NR6A1: variants seen among roughly 807,000 people sequenced by gnomAD.
NR6A1 encodes nuclear receptor subfamily 6 group A member 1.
NR6A1 carries 7 observed loss-of-function variants against 59.1 expected under a neutral mutation model. The ratio of observed to expected loss-of-function variants is 0.12; its 90% CI spans 0.07 to 0.22. The LOEUF (loss-of-function observed/expected upper bound fraction) is 0.22, where lower values mean the gene tolerates loss of function less well. NR6A1 is among the 10% of genes least tolerant of loss of function. The pLI is 1.00. For missense variants in NR6A1, 468 were observed against 611.6 expected (o/e 0.77, Z 2.48); for synonymous variants, 243 against 236.1 (o/e 1.03, Z -0.27).
intron 2 of NR6A1, among the ~76,000 whole-genome samples, chr9:124,580,988 C>T (rs967374935): frequency 2.0e-5 from 3 of 152,020 alleles, no homozygotes; most frequent in Middle Eastern, 3.2e-3. Context: ...AGACTGCATG[C>T]CTACAGCCAT....
intron 2 of NR6A1, among the ~76,000 whole-genome samples, chr9:124,694,401 G>A (rs964847597): frequency 2.6e-5 from 4 of 151,926 alleles, no homozygotes; most frequent in South Asian, 2.1e-4. Flanking sequence ...TTATGTACTC[G>A]TCATTCTTTT....
At chr9:124,565,561 G>A (rs1456248668) in intron 2 of NR6A1, among the ~76,000 whole-genome samples, 1 of 152,148 alleles carries the variant, frequency 6.6e-6, no homozygotes, top group African/African-American at 2.4e-5. Flanking sequence ...CACAGCATGG[G>A]AGAAGACACA....
At chr9:124,665,978 T>C (rs1837601420) in intron 2 of NR6A1, among the ~76,000 whole-genome samples, 1 of 152,236 alleles carries the variant, frequency 6.6e-6, no homozygotes, top group South Asian at 2.1e-4. Flanking sequence ...AATGAAGCAA[T>C]ATTATCTCCA....
intron 2 of NR6A1, among the ~76,000 whole-genome samples, chr9:124,662,896 A>T (rs1051662717): frequency 6.6e-6 from 1 of 152,222 alleles, no homozygotes; most frequent in East Asian, 1.9e-4. Context: ...GCAAATTTTT[A>T]TCTGAGTACA....
intron 7 of NR6A1, among the ~76,000 whole-genome samples, chr9:124,531,712 T>TC (rs1833104278): frequency 2.0e-5 from 3 of 152,184 alleles, no homozygotes; most frequent in Non-Finnish European, 4.4e-5. Flanking sequence ...ATCCTGATCT[T>TC]CCCTGCTCCT....
At chr9:124,720,577 G>A (rs1588827289) in intron 2 of NR6A1, among the ~76,000 whole-genome samples, 2 of 151,932 alleles carry the variant, frequency 1.3e-5, no homozygotes, top group South Asian at 4.2e-4. Flanking sequence ...AATGACTGTC[G>A]GCTCTCTTCA....
Position 124,737,088 on chromosome 9 carries a change from T to A in NR6A1, c.101-3739A>T, listed in dbSNP as rs1035805561. Among the ~76,000 whole-genome samples, 17 of 152,260 alleles carry A rather than the reference T, an allele frequency of 1.1e-4. 1 individual carries two copies. Among genetic ancestry groups the A allele is most frequent in the African/African-American group, 3.9e-4 (16 of 41,550 alleles). ...ATGTCACTTTGGTTACTTGCTGTGG[T>A]TCTTGAACTTTTACATTTTCAGCCT... On this transcript the variant is annotated intron_variant, in intron 1 of 9. Coordinates refer to ENST00000487099, the MANE Select transcript of NR6A1 (RefSeq NM_033334.4).
rs1055644489 is a variant in NR6A1 at position 124,599,624 on chromosome 9, C to T, written c.143-45054G>A. On this transcript the variant is annotated intron_variant, in intron 2 of 9. Transcript: ENST00000487099. ...GCCGCTCGGCTGAGTCGGTCGTCGC[C>T]GGCTCCGCGGCCTCTCGGCGACTAC... 185 of 1,171,130 alleles carry T rather than the reference C, an allele frequency of 1.6e-4. 11 individuals are homozygous for T. The Middle Eastern group carries it at 2.3e-3, about 14-fold the overall frequency. The allele number at this position is 1,171,130 out of a possible 1,614,324, so 72.5% of individuals were successfully genotyped here. A position where few individuals can be genotyped will look rare whatever the true frequency, so the allele number is the denominator to read the frequency against.
At chr9:124,703,207 A>ATTTT (rs80014383) in intron 2 of NR6A1, among the ~76,000 whole-genome samples, 12 of 104,558 alleles carry the variant, frequency 1.1e-4, no homozygotes, top group African/African-American at 3.2e-4. Context: ...ACACGGCCAC[A>ATTTT]TTTTTTTTTT....
At chr9:124,665,999 A>G (rs1344274571) in intron 2 of NR6A1, among the ~76,000 whole-genome samples, 1 of 152,222 alleles carries the variant, frequency 6.6e-6, no homozygotes. Context: ...CAGAGCAGGA[A>G]GCTCCCAAGA....
chr9:124,671,396 A>C (rs1837791038), intron 2 of NR6A1, among the ~76,000 whole-genome samples: 2 of 152,138 alleles, frequency 1.3e-5, no homozygotes. Context: ...ATGGTATCTG[A>C]TTTGCAAGGC....
At position 124,760,320 on chromosome 9, in the gene NR6A1, T is replaced by C. The variant is rs547016851; in HGVS notation, c.100+10700A>G. Among the ~76,000 whole-genome samples the C allele has an allele frequency of 4.6e-4, 69 of 150,872 alleles. No homozygotes were observed. In the South Asian group the frequency reaches 7.1e-3, roughly 16 times the overall value. On this transcript the variant is annotated intron_variant, in intron 1 of 9. Coordinates refer to ENST00000487099, the MANE Select transcript of NR6A1 (RefSeq NM_033334.4). Reference sequence around the variant, plus strand: ...GAGTGAGACTCCAACTAAAAAAAAATAAATAAATAAAAATAAAAATAAAAT... The same window carrying C: ...GAGTGAGACTCCAACTAAAAAAAAACAAATAAATAAAAATAAAAATAAAAT...
chr9:124,565,609 T>C (rs372624781), intron 2 of NR6A1, among the ~76,000 whole-genome samples: 1 of 151,980 alleles, frequency 6.6e-6, no homozygotes, highest in Non-Finnish European at 1.5e-5. Context: ...TATTCCAAAA[T>C]ACATAAAACT....
chr9:124,741,940 C>T (rs538617578), intron 1 of NR6A1, among the ~76,000 whole-genome samples: 1 of 152,240 alleles, frequency 6.6e-6, no homozygotes, highest in Admixed American at 6.5e-5. Context: ...ATCATGGAGC[C>T]AGGAGCACAG....
chr9:124,766,071 A>G (rs565724367), intron 1 of NR6A1, among the ~76,000 whole-genome samples: 1 of 152,264 alleles, frequency 6.6e-6, no homozygotes, highest in South Asian at 2.1e-4. Context: ...TCAAAGTTAC[A>G]TCTAGAGACG....
chr9:124,660,648 CAAA>C (rs753242760), intron 2 of NR6A1, among the ~76,000 whole-genome samples: 1 of 92,818 alleles, frequency 1.1e-5, no homozygotes. Flanking sequence ...TCTGAGAATA[CAAA>C]AAAAAAAAAA....
chr9:124,654,619 T>C (rs957169941), intron 2 of NR6A1, among the ~76,000 whole-genome samples: 7 of 152,106 alleles, frequency 4.6e-5, no homozygotes, highest in Non-Finnish European at 8.8e-5. Context: ...GCTTGCATAC[T>C]TTGGTTCCTC....
At chr9:124,598,996 G>T in intron 2 of NR6A1, 1 of 737,504 alleles carries the variant, frequency 1.4e-6, no homozygotes. Flanking sequence ...TGTAGTGGTT[G>T]GCACAAATCT....
intron 2 of NR6A1, among the ~76,000 whole-genome samples, chr9:124,564,202 G>GA (rs1588669776): frequency 6.6e-6 from 1 of 151,844 alleles, no homozygotes; most frequent in African/African-American, 2.4e-5. Context: ...ACTAGAAACA[G>GA]AAAAAAAATT....
Sources: allele counts gnomAD v4.1 joint callset (sites outside exome capture counted in the v4.1 genomes callset), GRCh38; gene constraint gnomAD v4.1.1; transcripts MANE v1.5; gene names NCBI Gene and HGNC (gene_info 2026-07-23, HGNC 2026-07-21).